Variants in DLG5 observed in about 807,000 individuals in gnomAD.
DLG5 encodes the protein disks large homolog 5.
In DLG5, 48 loss-of-function variants were observed where a neutral mutation model predicts 189.8. The observed-to-expected ratio is 0.25, with a 90% CI of 0.20 to 0.32. The LOEUF is 0.32. DLG5 is among the 10% of genes least tolerant of loss of function. The probability of loss-of-function intolerance (pLI) is 1.00; values close to 1 mark genes in which losing one functional copy is unlikely to be tolerated. For missense variants in DLG5, 2,160 were observed against 2,544.7 expected (o/e 0.85, Z 3.25); for synonymous variants, 1,016 against 1,054.1 (o/e 0.96, Z 0.70).
intron 1 of DLG5, among the ~76,000 whole-genome samples, chr10:77,874,583 T>C (rs1027135494): frequency 1.3e-5 from 2 of 152,222 alleles, no homozygotes; most frequent in Non-Finnish European, 1.5e-5. Flanking sequence ...GCTATGTGTA[T>C]ATAAGGTGTA....
upstream of DLG5, among the ~76,000 whole-genome samples, chr10:77,931,413 AT>A (rs11392273): frequency 2.9e-4 from 43 of 147,612 alleles, no homozygotes; most frequent in Admixed American, 6.8e-4. Flanking sequence ...ACACCTAGGT[AT>A]TTTTTTTTTT....
At chr10:77,852,568 A>G (rs1207872223) in intron 5 of DLG5, among the ~76,000 whole-genome samples, 2 of 151,660 alleles carry the variant, frequency 1.3e-5, no homozygotes, top group Admixed American at 1.3e-4. Flanking sequence ...GGTGCCCACC[A>G]CCACGCCCGG....
chr10:77,856,570 C>T (rs1464357782), intron 3 of DLG5, among the ~76,000 whole-genome samples, 160 bp downstream of exon 3: 1 of 152,122 alleles, frequency 6.6e-6, no homozygotes, highest in Non-Finnish European at 1.5e-5. Flanking sequence ...TGGGTCCTGC[C>T]CCTGGGAAGC....
intron 1 of DLG5, among the ~76,000 whole-genome samples, chr10:77,898,874 C>T (rs1845842061): frequency 6.6e-6 from 1 of 152,188 alleles, no homozygotes; most frequent in Non-Finnish European, 1.5e-5. Context: ...TCACCCACGC[C>T]GGGACGGGGC....
chr10:77,904,252 A>C (rs1564588040), intron 1 of DLG5, among the ~76,000 whole-genome samples: 1 of 152,174 alleles, frequency 6.6e-6, no homozygotes, highest in Non-Finnish European at 1.5e-5. Flanking sequence ...CCATGTTAGA[A>C]GTGCCTTTTG....
At chr10:77,874,521 G>A (rs139722555) in intron 1 of DLG5, among the ~76,000 whole-genome samples, 46 of 152,288 alleles carry the variant, frequency 3.0e-4, no homozygotes, top group African/African-American at 8.7e-4. Context: ...AAATGCAGGC[G>A]CAGGATACAG....
chr10:77,924,111 C>T (rs931854517), intron 1 of DLG5, among the ~76,000 whole-genome samples: 18 of 152,144 alleles, frequency 1.2e-4, no homozygotes, highest in African/African-American at 4.3e-4. Flanking sequence ...GAGATCTGCC[C>T]GCCTCGGCCT....
At chr10:77,842,532 C>T (rs1436078844) in intron 6 of DLG5, among the ~76,000 whole-genome samples, 1 of 152,184 alleles carries the variant, frequency 6.6e-6, no homozygotes, top group Admixed American at 6.5e-5. Flanking sequence ...CATAAAGAGG[C>T]CTTAACGATC....
chr10:77,825,124 C>T (rs887157771), intron 13 of DLG5, among the ~76,000 whole-genome samples: 5 of 152,124 alleles, frequency 3.3e-5, no homozygotes, highest in Admixed American at 2.0e-4. Context: ...ATCTTGCAGG[C>T]ATGGTGCGGA....
At chr10:77,825,374 CCA>C (rs59102694) in intron 13 of DLG5, among the ~76,000 whole-genome samples, 29,953 of 130,558 alleles carry the variant, frequency 0.23, 3,457 homozygotes, top group Non-Finnish European at 0.27. Flanking sequence ...CCACACACAA[CCA>C]CACACACACA....
chr10:77,879,380 C>T (rs1331595607), intron 1 of DLG5, among the ~76,000 whole-genome samples: 2 of 152,078 alleles, frequency 1.3e-5, no homozygotes, highest in Non-Finnish European at 2.9e-5. Context: ...ATGGGCCACA[C>T]AGAGGATGCA....
chr10:77,812,163 G>A (rs1841809150), intron 21 of DLG5, 52 bp downstream of exon 21: 1 of 1,598,526 alleles, frequency 6.3e-7, no homozygotes, highest in South Asian at 1.1e-5. Flanking sequence ...AGGAGAGGGG[G>A]AAGAAGTGCA....
At chr10:77,842,944 C>T (rs1397098002) in intron 6 of DLG5, among the ~76,000 whole-genome samples, 1 of 152,216 alleles carries the variant, frequency 6.6e-6, no homozygotes, top group African/African-American at 2.4e-5. Flanking sequence ...GAAACTGCTA[C>T]ATGCCCCAGA....
rs543164065 is a variant in DLG5, at chr10:77,798,801, T to C, written c.5165-2207A>G. ...CTAGTATAAGAATCATATTCTCAAA[T>C]TATGGCACAGTTGCTATAGGGTGGA... On this transcript the variant is annotated intron_variant, in intron 27 of 31. Transcript: ENST00000372391. Among the ~76,000 whole-genome samples the C allele has an allele frequency of 7.8e-4, 119 of 152,244 alleles. 1 individual carries two copies. The highest frequency in any genetic ancestry group is 2.8e-3 in the African/African-American group (116 of 41,540).
intron 14 of DLG5, 103 bp downstream of exon 14, chr10:77,824,281 T>C: frequency 1.2e-6 from 1 of 851,260 alleles, no homozygotes; most frequent in African/African-American, 1.7e-5. Context: ...ATGCCCACCC[T>C]GTTCTCAAGG....
rs1465812768 is a variant in DLG5 at position 77,792,431 on chromosome 10, AG to A, written c.*8del. The A allele has an allele frequency of 2.5e-6, 4 of 1,613,876 alleles. No homozygotes were observed. The highest frequency in any genetic ancestry group is 3.4e-6 in the Non-Finnish European group (4 of 1,179,718). ...GGCCAGCTGCAGTCATCCACAGCAC[AG>A]CATTCTCCTAGAGCGGGCAGGCTGG... On this transcript the variant is annotated 3_prime_UTR_variant, in exon 32 of 32. Coordinates refer to ENST00000372391, the MANE Select transcript of DLG5 (RefSeq NM_004747.4).
chr10:77,802,937 A>G (rs1003747353), intron 27 of DLG5, among the ~76,000 whole-genome samples: 2 of 152,140 alleles, frequency 1.3e-5, no homozygotes, highest in Admixed American at 6.5e-5. Flanking sequence ...TGCGAATAGT[A>G]TCAAAGTTAG....
At chr10:77,900,983 T>C (rs2559666) in intron 1 of DLG5, among the ~76,000 whole-genome samples, 45,935 of 149,766 alleles carry the variant, frequency 0.31, 7,574 homozygotes, top group Admixed American at 0.44. Flanking sequence ...GGCATGGTGG[T>C]GCACGCCTAT....
At chr10:77,817,682 G>T in intron 18 of DLG5, 95 bp downstream of exon 18, 1 of 1,107,340 alleles carries the variant, frequency 9.0e-7, no homozygotes, top group Non-Finnish European at 1.3e-6. Context: ...AGGAGCTCGT[G>T]TGGGGAGCCC....
Sources: allele counts gnomAD v4.1 joint callset (sites outside exome capture counted in the v4.1 genomes callset), GRCh38; gene constraint gnomAD v4.1.1; transcripts MANE v1.5; gene names NCBI Gene and HGNC (gene_info 2026-07-23, HGNC 2026-07-21).